The following ODAD4 variants were observed in gnomAD, a reference collection of about 807,000 sequenced individuals.
The protein encoded by ODAD4 is outer dynein arm-docking complex subunit 4.
Under a neutral mutation model 51.8 loss-of-function variants are expected in ODAD4, and 49 were observed. The ratio of observed to expected loss-of-function variants is 0.95; its 90% CI spans 0.75 to 1.20. The LOEUF is 1.20. Among genes scored for constraint, ODAD4 ranks in the 50% most tolerant of loss-of-function variants. ODAD4 has a pLI of 0.00. For missense variants in ODAD4, 590 were observed against 586.5 expected (o/e 1.01, Z -0.06); for synonymous variants, 235 against 221.3 (o/e 1.06, Z -0.55).
chr17:41,951,265 A>G (rs1315654423), intron 9 of ODAD4, among the ~76,000 whole-genome samples: 4 of 146,496 alleles, frequency 2.7e-5, no homozygotes, highest in Non-Finnish European at 6.0e-5. Flanking sequence ...TTGTATTTTT[A>G]GTAGAGACGG....
chr17:41,941,579 C>T (rs1430833054), intron 7 of ODAD4, among the ~76,000 whole-genome samples: 7 of 152,020 alleles, frequency 4.6e-5, no homozygotes, highest in Admixed American at 3.9e-4. Flanking sequence ...CTGGCTAACA[C>T]GGTGAAACCC....
At chr17:41,939,892 C>T (rs1294489608) in intron 7 of ODAD4, among the ~76,000 whole-genome samples, 1 of 152,126 alleles carries the variant, frequency 6.6e-6, no homozygotes, top group African/African-American at 2.4e-5. Flanking sequence ...ACTTTAGCTC[C>T]CTCAGCCTCA....
chr17:41,941,348 G>A (rs575324613), intron 7 of ODAD4, among the ~76,000 whole-genome samples: 1 of 152,298 alleles, frequency 6.6e-6, no homozygotes, highest in South Asian at 2.1e-4. Flanking sequence ...CAGGCATTCT[G>A]GGCCCCAGCC....
intron 7 of ODAD4, 55 bp downstream of exon 7, chr17:41,939,227 GCTAT>G: frequency 2.0e-6 from 3 of 1,501,678 alleles, no homozygotes; most frequent in Non-Finnish European, 2.7e-6. Context: ...GACACCTGGG[GCTAT>G]CTGAGGCCCT....
At chr17:41,932,623 C>CA (rs143259894) in intron 1 of ODAD4, among the ~76,000 whole-genome samples, 12,892 of 151,978 alleles carry the variant, frequency 0.085, 757 homozygotes, top group Non-Finnish European at 0.12. Context: ...CAGCTCAATA[C>CA]AGCTTCAAAC....
chr17:41,952,245 G>T (rs2050664044), intron 9 of ODAD4, among the ~76,000 whole-genome samples: 1 of 151,510 alleles, frequency 6.6e-6, no homozygotes, highest in African/African-American at 2.4e-5. Context: ...GTGCATGCTT[G>T]TAATCCAAGC....
At chr17:41,935,967 C>T (rs567615859) in intron 3 of ODAD4, among the ~76,000 whole-genome samples, 2 of 152,370 alleles carry the variant, frequency 1.3e-5, no homozygotes, top group Admixed American at 1.3e-4. Context: ...ACACACTGAT[C>T]TCTGAGCGCT....
Position 41,939,046 on chromosome 17 carries a change from A to C in ODAD4, c.932A>C (p.Glu311Ala). 6.2e-7 allele frequency: 1 copy of C among 1,613,824 alleles called. No individual in the cohort carries two copies. Among genetic ancestry groups the C allele is most frequent in the Non-Finnish European group, 8.5e-7 (1 of 1,179,800 alleles). The change falls in exon 7 of 12, where the codon GAG (glutamate) becomes GCG (alanine). Residue 311 changes from glutamate to alanine, a missense_variant. Coordinates refer to ENST00000377540, the MANE Select transcript of ODAD4 (RefSeq NM_031421.5). ...AAGGTACTGGAATGGAACAAGGAAG[A>C]GGTACCCAACAAGGATGAACTGGTT... ...LKKVLEWNKE[E>A]VPNKDELVGN...
At chr17:41,951,049 T>C (rs998830304) in intron 9 of ODAD4, among the ~76,000 whole-genome samples, 27 of 150,272 alleles carry the variant, frequency 1.8e-4, no homozygotes, top group African/African-American at 6.1e-4. Flanking sequence ...TGTTCTAAAA[T>C]GGGATTGTGG....
rs1261429852 is a variant in ODAD4 at position 41,949,907 on chromosome 17, C to T, written c.1342+558C>T. 3.9e-5 allele frequency among the ~76,000 whole-genome samples: 6 copies of T among 152,058 alleles called. No homozygotes were observed. The East Asian group carries it at 1.2e-3, about 29-fold the overall frequency. Reference sequence around the variant, plus strand: ...TAGGCTGGTCTCAAATTCCTGACCTCAGGTGATCCAAACGCCTCGGCCTCC... The same window carrying T: ...TAGGCTGGTCTCAAATTCCTGACCTTAGGTGATCCAAACGCCTCGGCCTCC... On this transcript the variant is annotated intron_variant, in intron 9 of 11. Transcript: ENST00000377540.
intron 10 of ODAD4, among the ~76,000 whole-genome samples, chr17:41,956,047 CTTTT>C (rs71357524): frequency 8.0e-6 from 1 of 124,936 alleles, no homozygotes; most frequent in African/African-American, 2.9e-5. Context: ...CTGTACTTAG[CTTTT>C]TTTTTTTTTT....
chr17:41,944,446 C>CACACACACA (rs1567933209), intron 7 of ODAD4, among the ~76,000 whole-genome samples: 1 of 4,744 alleles, frequency 2.1e-4, no homozygotes. Context: ...ACACACACAC[C>CACACACACA]CCCCCGCATA....
At chr17:41,940,200 C>T (rs1567931047) in intron 7 of ODAD4, among the ~76,000 whole-genome samples, 3 of 152,174 alleles carry the variant, frequency 2.0e-5, no homozygotes, top group African/African-American at 7.2e-5. Flanking sequence ...AGTGCCCAGC[C>T]CTCAGCCGAC....
intron 10 of ODAD4, among the ~76,000 whole-genome samples, chr17:41,957,591 C>G (rs1385353322): frequency 6.6e-6 from 1 of 152,104 alleles, no homozygotes; most frequent in Non-Finnish European, 1.5e-5. Context: ...GTGATTTCCT[C>G]ATTCTCTTGC....
intron 10 of ODAD4, among the ~76,000 whole-genome samples, chr17:41,959,106 G>A (rs1449072032): frequency 4.6e-5 from 7 of 152,142 alleles, no homozygotes; most frequent in Admixed American, 1.3e-4. Flanking sequence ...GTTGAATAGT[G>A]CTGGCCTAGA....
intron 8 of ODAD4, among the ~76,000 whole-genome samples, chr17:41,945,918 G>A (rs890835773): frequency 6.6e-6 from 1 of 152,044 alleles, no homozygotes; most frequent in African/African-American, 2.4e-5. Flanking sequence ...AACCTTTAGG[G>A]CAGGAAAGAA....
In ODAD4 at chr17:41,965,447, A is replaced by G; in HGVS notation, c.1983A>G (p.Lys661=). ...AATTTGGAGAAATAGGAGAAACGAA[A>G]AAAACAGGAAATGAGATGGAAAAGG... ...KTQFGEIGET[K]KTGNEMEKEY... is the part of the protein sequence containing the mutation. The change falls in exon 12 of 12, where the codon AAA becomes AAG. Residue 661 remains lysine, a synonymous_variant. Transcript: ENST00000377540. 1.3e-6 allele frequency: 1 copy of G among 773,438 alleles called. No individual in the cohort carries two copies. The highest frequency in any genetic ancestry group is 2.4e-6 in the Non-Finnish European group (1 of 416,324). The allele number at this position is 773,438 out of a possible 1,614,324, so 47.9% of individuals were successfully genotyped here.
In ODAD4 at chr17:41,939,112, T is replaced by C; in HGVS notation, c.998T>C (p.Leu333Pro). 6.2e-7 allele frequency: 1 copy of C among 1,613,976 alleles called. No individual in the cohort carries two copies. Among genetic ancestry groups the C allele is most frequent in the South Asian group, 1.1e-5 (1 of 91,084 alleles). Residue 333 changes from leucine (L) to proline (P), a missense_variant, in exon 7 of 12, where the codon CTG becomes CCG. Leu to Pro is a moderately conservative substitution (Grantham distance 98). Transcript: ENST00000377540. Reference sequence around the variant, plus strand: ...TGCATAGGGAATGCCCAGATTGAGCTGGGGCAGATGGAGGCAGCCCTGCAG... The same window carrying C: ...TGCATAGGGAATGCCCAGATTGAGCCGGGGCAGATGGAGGCAGCCCTGCAG... ...YSCIGNAQIE[L>P]GQMEAALQSH...
At chr17:41,932,235 A>C (rs141874927) in intron 1 of ODAD4, among the ~76,000 whole-genome samples, 7 of 152,008 alleles carry the variant, frequency 4.6e-5, no homozygotes, top group Non-Finnish European at 1.0e-4. Context: ...ATGCTCGGCT[A>C]ATTTTGTATT....
Sources: allele counts gnomAD v4.1 joint callset (sites outside exome capture counted in the v4.1 genomes callset), GRCh38; gene constraint gnomAD v4.1.1; transcripts MANE v1.5; gene names NCBI Gene and HGNC (gene_info 2026-07-23, HGNC 2026-07-21).